Variants in HYDIN observed in about 807,000 individuals in gnomAD.
HYDIN encodes axonemal central pair apparatus protein HYDIN.
A neutral mutation model predicts 403.9 loss-of-function variants in HYDIN; 132 were observed. The observed-to-expected ratio is 0.33, with a 90% CI of 0.28 to 0.38. HYDIN has a LOEUF of 0.38. Ranked by LOEUF, HYDIN falls within the 10% of genes least tolerant of loss-of-function variation. The pLI is 1.00. For missense variants in HYDIN, 2,827 were observed against 5,009.5 expected, an observed-to-expected ratio of 0.56 and a Z score of 13.15; for synonymous variants, 1,202 against 1,891.7, an observed-to-expected ratio of 0.64 and a Z score of 9.46.
At position 70,879,287 on chromosome 16, in the gene HYDIN, C is replaced by G; in HGVS notation, c.10557+10G>C. On this transcript the variant is annotated intron_variant, in intron 62 of 85. Coordinates refer to ENST00000393567, the MANE Select transcript of HYDIN (RefSeq NM_001270974.2). The stretch of plus-strand genomic sequence containing the variant: ...CCCTTTCAGCCTCATGCTTCACCCT[C>G]GAGTATTACCTGGGCAGGGAGGACA... The G allele has an allele frequency of 8.6e-7, 1 of 1,159,824 alleles. No individual in the cohort carries two copies. Among genetic ancestry groups the G allele is most frequent in the South Asian group, 1.5e-5 (1 of 66,992 alleles). 71.8% of individuals were successfully genotyped at this position (1,159,824 alleles called of 1,614,324 possible).
Position 71,216,803 on chromosome 16 carries a change from C to T in HYDIN, c.-24+13759G>A, listed in dbSNP as rs191663284. Among the ~76,000 whole-genome samples the T allele has an allele frequency of 1.9e-3, 285 of 152,316 alleles. 5 individuals carry two copies. The highest frequency in any genetic ancestry group is 6.5e-3 in the African/African-American group (269 of 41,574). On this transcript the variant is annotated intron_variant, in intron 1 of 85. Coordinates refer to ENST00000393567, the MANE Select transcript of HYDIN (RefSeq NM_001270974.2). The stretch of plus-strand genomic sequence containing the variant: ...GATTCTGATTCAGTCAATCTATAGT[C>T]GGTCCTGGACATCGGTATTTTCAAA...
intron 3 of HYDIN, among the ~76,000 whole-genome samples, chr16:71,179,619 C>T (rs1051228536): frequency 9.2e-5 from 14 of 152,224 alleles, no homozygotes; most frequent in Non-Finnish European, 1.9e-4. Flanking sequence ...AACTAGCTTA[C>T]TAATGGGATG....
chr16:71,019,239 TG>T (rs1184972065), intron 22 of HYDIN, among the ~76,000 whole-genome samples: 1 of 152,278 alleles, frequency 6.6e-6, no homozygotes, highest in South Asian at 2.1e-4. Flanking sequence ...TTAATGGGCA[TG>T]AAAGCCACCT....
At chr16:70,898,733 G>A (rs867392934) in intron 53 of HYDIN, among the ~76,000 whole-genome samples, 15 of 151,612 alleles carry the variant, frequency 9.9e-5, no homozygotes, top group African/African-American at 3.4e-4. Context: ...GAATGTCAAA[G>A]AATCAGTTCA....
intron 78 of HYDIN, among the ~76,000 whole-genome samples, chr16:70,834,976 GTA>G (rs139272178): frequency 0.14 from 18,512 of 132,020 alleles, 1,499 homozygotes; most frequent in African/African-American, 0.25. Context: ...ATATATGTGT[GTA>G]TATATATATA....
chr16:71,150,725 C>A (rs1242966260), intron 7 of HYDIN, among the ~76,000 whole-genome samples: 2 of 152,134 alleles, frequency 1.3e-5, no homozygotes, highest in Non-Finnish European at 2.9e-5. Context: ...TGTCAAAATT[C>A]AAACTCGCTG....
intron 28 of HYDIN, among the ~76,000 whole-genome samples, chr16:70,984,466 A>G (rs1323809718): frequency 2.0e-5 from 3 of 146,518 alleles, no homozygotes; most frequent in Non-Finnish European, 4.5e-5. Flanking sequence ...GAGTTGACCT[A>G]ACAGATATTA....
rs981732323 is a variant in HYDIN, at chr16:70,909,146, T to C, written c.8005-285A>G. Among the ~76,000 whole-genome samples, 143 of 151,472 alleles carry C rather than the reference T, an allele frequency of 9.4e-4. 1 individual carries two copies. The highest frequency in any genetic ancestry group is 2.8e-4 in the Non-Finnish European group (19 of 67,874). ...AACCCACAATGGACAGCGGGGATTG[T>C]AGCCTTCTTGGTACCACTAAGCCAG... On this transcript the variant is annotated intron_variant, in intron 47 of 85. Coordinates refer to ENST00000393567, the MANE Select transcript of HYDIN (RefSeq NM_001270974.2).
At position 71,191,663 on chromosome 16, in the gene HYDIN, G is replaced by A. The variant is rs571461822; in HGVS notation, c.-23-4745C>T. Among the ~76,000 whole-genome samples, 6 of 152,084 alleles carry A rather than the reference G, an allele frequency of 3.9e-5. No homozygotes were observed. In the South Asian group the frequency reaches 6.2e-4, roughly 16 times the overall value. ...CTGGGCCCCTTAGACCACCTCATCT[G>A]TTTCCTTTATTAGCTCTCTTCCCGG... On this transcript the variant is annotated intron_variant, in intron 1 of 85. Transcript: ENST00000393567.
chr16:70,991,516 G>A, intron 24 of HYDIN, 120 bp from the exon 25 acceptor site: 1 of 1,472,090 alleles, frequency 6.8e-7, no homozygotes, highest in Non-Finnish European at 9.0e-7. Context: ...ACGTAAGGGG[G>A]ATTCTCAATC....
At position 70,804,439 on chromosome 16, in the gene HYDIN, T is replaced by A. The variant is rs2035021139; in HGVS notation, c.*3141A>T. On this transcript the variant is annotated 3_prime_UTR_variant, in exon 86 of 86. Transcript: ENST00000393567. ...CGGAAGAGTTCTGGACTGGGGTTTT[T>A]AAGGGGATCCTGGAGGGTGAAGGGC... 6.6e-6 allele frequency among the ~76,000 whole-genome samples: 1 copy of A among 152,172 alleles called. No individual in the cohort carries two copies. The highest frequency in any genetic ancestry group is 6.5e-5 in the Admixed American group (1 of 15,288).
At chr16:71,197,001 T>C (rs2087728351) in intron 1 of HYDIN, among the ~76,000 whole-genome samples, 1 of 152,204 alleles carries the variant, frequency 6.6e-6, no homozygotes, top group South Asian at 2.1e-4. Context: ...ATCCCTTTAC[T>C]TTCCTAATAA....
intron 36 of HYDIN, among the ~76,000 whole-genome samples, chr16:70,965,555 T>A (rs2078546707): frequency 1.3e-5 from 2 of 152,208 alleles, no homozygotes; most frequent in African/African-American, 4.8e-5. Flanking sequence ...CTCCTAAATC[T>A]GGCAATCCTA....
intron 45 of HYDIN, among the ~76,000 whole-genome samples, chr16:70,926,460 G>T (rs2077156284): frequency 6.6e-6 from 1 of 151,872 alleles, no homozygotes. Context: ...GGGGACTGTT[G>T]TGGGGTGGGG....
chr16:71,053,313 T>A (rs919815998), intron 18 of HYDIN, among the ~76,000 whole-genome samples: 9 of 152,142 alleles, frequency 5.9e-5, no homozygotes, highest in Admixed American at 5.2e-4. Flanking sequence ...GTCAACAAAT[T>A]CCACTCCTAG....
At chr16:71,008,684 T>C (rs1533202) in intron 23 of HYDIN, among the ~76,000 whole-genome samples, 46,801 of 126,624 alleles carry the variant, frequency 0.37, 8,694 homozygotes, top group East Asian at 0.6. Context: ...TTGCCTTTCA[T>C]ACAGAAAACG....
intron 45 of HYDIN, among the ~76,000 whole-genome samples, chr16:70,927,917 C>A (rs1455329069): frequency 2.7e-5 from 4 of 150,626 alleles, no homozygotes; most frequent in African/African-American, 9.8e-5. Flanking sequence ...ACAAGCAAAA[C>A]TTGAGTAATT....
intron 8 of HYDIN, 76 bp from the exon 9 acceptor site, chr16:71,129,899 C>G (rs112578870): frequency 0.051 from 77,940 of 1,538,088 alleles, 528 homozygotes; most frequent in Middle Eastern, 0.073. Flanking sequence ...CCTCTAGTAC[C>G]TCCTCCTGGA....
intron 47 of HYDIN, among the ~76,000 whole-genome samples, chr16:70,914,321 A>T (rs1385662525): frequency 3.9e-5 from 6 of 152,118 alleles, no homozygotes. Context: ...AGTTCTTATA[A>T]TACTGGCTTG....
Sources: allele counts gnomAD v4.1 joint callset (sites outside exome capture counted in the v4.1 genomes callset), GRCh38; gene constraint gnomAD v4.1.1; transcripts MANE v1.5; gene names NCBI Gene and HGNC (gene_info 2026-07-23, HGNC 2026-07-21).